CENPI: variants seen among roughly 807,000 people sequenced by gnomAD.
CENPI encodes FSH primary response 1.
Under a neutral mutation model 60.4 loss-of-function variants are expected in CENPI, and 4 were observed. That is an observed-to-expected ratio of 0.07 (90% CI 0.03 to 0.15). The LOEUF (loss-of-function observed/expected upper bound fraction) is 0.15. Ranked by LOEUF, CENPI falls within the 10% of genes least tolerant of loss-of-function variation. The pLI, the probability that CENPI is intolerant of heterozygous loss-of-function variation, is 1.00. For missense variants in CENPI, 444 were observed against 534.5 expected (o/e 0.83, Z 1.67); for synonymous variants, 157 against 189.4 (o/e 0.83, Z 1.40).
chrX:101,178,914 TTA>T, the CENPI span, among the ~76,000 whole-genome samples: 2 of 112,552 alleles, frequency 1.8e-5, no homozygotes, highest in African/African-American at 6.5e-5. Context: ...ATTTCATAAT[TTA>T]TGTTTTAGAA....
intron 20 of CENPI, among the ~76,000 whole-genome samples, chrX:101,151,634 C>T (rs1371024591): frequency 1.8e-5 from 2 of 110,378 alleles, no homozygotes; most frequent in Non-Finnish European, 3.8e-5. Flanking sequence ...GAGTTTGAGA[C>T]CAGCCTGGCC....
chrX:101,132,960 G>T (rs926732475), intron 15 of CENPI, among the ~76,000 whole-genome samples: 7 of 110,695 alleles, frequency 6.3e-5, no homozygotes, highest in Admixed American at 9.7e-5. Context: ...CTATTTTGGA[G>T]TGGTCTCCAA....
chrX:101,126,198 T>C (rs1209736743), intron 8 of CENPI, among the ~76,000 whole-genome samples: 4 of 112,510 alleles, frequency 3.6e-5, no homozygotes, highest in Non-Finnish European at 5.6e-5. Flanking sequence ...AGTAATCACA[T>C]CTTTCGTTGT....
intron 6 of CENPI, among the ~76,000 whole-genome samples, chrX:101,113,282 TACACAC>T (rs533672702): frequency 0.22 from 18,220 of 83,699 alleles, 2,107 homozygotes; most frequent in Middle Eastern, 0.26. Context: ...TCCATCCCTT[TACACAC>T]ACACACACAC....
At chrX:101,125,222 T>G (rs1228630568) in intron 8 of CENPI, among the ~76,000 whole-genome samples, 2 of 111,335 alleles carry the variant, frequency 1.8e-5, no homozygotes, top group Non-Finnish European at 3.8e-5. Flanking sequence ...GAATCTGATT[T>G]TTTTGAGGCT....
the CENPI span, among the ~76,000 whole-genome samples, chrX:101,178,398 CTTTTTTTTTTTT>C: frequency 2.5e-5 from 1 of 39,976 alleles, no homozygotes; most frequent in Non-Finnish European, 4.8e-5. Flanking sequence ...TTTTCTTCTT[CTTTTTTTTTTTT>C]TTTTTTTTTT....
chrX:101,105,464 C>CA (rs1186729180), intron 4 of CENPI, among the ~76,000 whole-genome samples: 1 of 112,036 alleles, frequency 8.9e-6, no homozygotes, highest in Non-Finnish European at 1.9e-5. Flanking sequence ...GCGGAGCTTG[C>CA]AGTGAGCCGA....
intron 16 of CENPI, among the ~76,000 whole-genome samples, chrX:101,142,187 C>G (rs2089920920): frequency 8.9e-6 from 1 of 111,995 alleles, no homozygotes; most frequent in Admixed American, 9.6e-5. Context: ...GGCCAACTTG[C>G]AGTGTAAGTC....
At chrX:101,158,145 A>G (rs767342643) in intron 20 of CENPI, among the ~76,000 whole-genome samples, 12 of 111,709 alleles carry the variant, frequency 1.1e-4, no homozygotes, top group Non-Finnish European at 1.7e-4. Context: ...ATTATTTTGT[A>G]TGGTTGAATA....
chrX:101,115,034 G>C (rs906311274), intron 6 of CENPI, among the ~76,000 whole-genome samples: 6 of 109,761 alleles, frequency 5.5e-5, no homozygotes, highest in Non-Finnish European at 1.1e-4. Context: ...CGCGATCTCA[G>C]CTCACTGCAA....
rs746777468 is a variant in CENPI at position 101,140,775 on chromosome X, G to C, written c.1565+15G>C. ...AACAGTCCTCTGTGAGTTATCTAAC[G>C]GTCTTCCACAAGAGACGATCTGTAT... is the stretch of plus-strand genomic sequence containing the variant. On this transcript the variant is annotated intron_variant, in intron 16 of 21. Coordinates refer to ENST00000682095, the MANE Select transcript of CENPI (RefSeq NM_001386188.2). 10 of 1,074,671 alleles carry C rather than the reference G, an allele frequency of 9.3e-6. No individual in the cohort carries two copies. Among genetic ancestry groups the C allele is most frequent in the Middle Eastern group, 2.5e-4 (1 of 4,032 alleles). The allele number at this position is 1,074,671 out of a possible 1,213,427, so 88.6% of individuals were successfully genotyped here. A position where few individuals can be genotyped will look rare whatever the true frequency, so the allele number is the denominator to read the frequency against.
intron 6 of CENPI, among the ~76,000 whole-genome samples, chrX:101,116,888 G>A (rs1357301212): frequency 9.0e-6 from 1 of 111,646 alleles, no homozygotes; most frequent in Non-Finnish European, 1.9e-5. Context: ...TAGTAGGTGT[G>A]AAGTGGTCTT....
At chrX:101,155,392 G>A (rs2090043610) in intron 20 of CENPI, among the ~76,000 whole-genome samples, 1 of 111,276 alleles carries the variant, frequency 9.0e-6, no homozygotes, top group South Asian at 3.8e-4. Flanking sequence ...GTTTTACCAT[G>A]TTGGCCAGGC....
intron 6 of CENPI, among the ~76,000 whole-genome samples, chrX:101,112,070 A>G (rs2089560288): frequency 8.9e-6 from 1 of 111,977 alleles, no homozygotes. Flanking sequence ...GTAGTTATAC[A>G]GACTTGGGTA....
intron 20 of CENPI, among the ~76,000 whole-genome samples, chrX:101,158,434 C>T (rs1402785203): frequency 1.8e-5 from 2 of 108,483 alleles, no homozygotes; most frequent in Non-Finnish European, 3.8e-5. Flanking sequence ...CGTACCACCA[C>T]GCCTGGCTAA....
rs2089950526 is a variant in CENPI, at chrX:101,144,989, A to G, written c.1566-75A>G. On this transcript the variant is annotated intron_variant, in intron 16 of 21. Coordinates refer to ENST00000682095, the MANE Select transcript of CENPI (RefSeq NM_001386188.2). Reference sequence around the variant, plus strand: ...AATCCTCACCAACATTTTGCTTTATATTATTCAGCTTTAGCTTGGAAATTG... The same window carrying G: ...AATCCTCACCAACATTTTGCTTTATGTTATTCAGCTTTAGCTTGGAAATTG... 5 of 876,612 alleles carry G rather than the reference A, an allele frequency of 5.7e-6. No homozygotes were observed. In the South Asian group the frequency reaches 1.4e-4, roughly 25 times the overall value. The allele number at this position is 876,612 out of a possible 1,213,427, so 72.2% of individuals were successfully genotyped here.
At chrX:101,111,196 C>G (rs983950256) in intron 6 of CENPI, among the ~76,000 whole-genome samples, 8 of 110,259 alleles carry the variant, frequency 7.3e-5, no homozygotes, top group Admixed American at 5.9e-4. Flanking sequence ...TCTAGTAGTT[C>G]CCAACAATGT....
intron 19 of CENPI, 55 bp downstream of exon 19, chrX:101,147,866 A>G (rs766247650): frequency 2.5e-4 from 290 of 1,155,966 alleles, no homozygotes; most frequent in Non-Finnish European, 3.3e-4. Context: ...TTAAGTCTAG[A>G]TATATATGAC....
At chrX:101,155,603 A>T (rs2090045489) in intron 20 of CENPI, among the ~76,000 whole-genome samples, 1 of 112,153 alleles carries the variant, frequency 8.9e-6, no homozygotes, top group African/African-American at 3.2e-5. Context: ...TATTCCATTA[A>T]TTGAGGTTCA....
Sources: gnomAD v4.1 joint callset for allele counts (sites outside exome capture counted in the v4.1 genomes callset) on GRCh38, gnomAD v4.1.1 for gene constraint, MANE v1.5 for transcripts, NCBI Gene and HGNC (gene_info 2026-07-23, HGNC 2026-07-21) for gene names.